The following PHF3 variants were observed in gnomAD, a reference collection of about 807,000 sequenced individuals.
PHF3 encodes the protein PHD finger protein 3.
PHF3 carries 41 observed loss-of-function variants against 178.4 expected under a neutral mutation model. The ratio of observed to expected loss-of-function variants is 0.23; its 90% CI spans 0.18 to 0.30. PHF3 has a LOEUF of 0.30. PHF3 is among the 10% of genes least tolerant of loss of function. The pLI, the probability that PHF3 is intolerant of heterozygous loss-of-function variation, is 1.00. For missense variants in PHF3, 2,346 were observed against 2,398.1 expected (o/e 0.98, Z 0.45); for synonymous variants, 842 against 800.5 (o/e 1.05, Z -0.88).
Position 63,713,234 on chromosome 6 carries a change from G to C in PHF3, c.5646G>C (p.Gln1882His). The change falls in exon 16 of 16, where the codon CAG becomes CAC. Residue 1882 changes from glutamine (Q) to histidine (H), a missense_variant. Physicochemically the swap from Gln to His is conservative, Grantham distance 24 (BLOSUM62 0). Transcript: ENST00000262043. ...AAGCATCAAGGTATATAGGCCCGCAGAATTTTTACCAGGTTAAAGACATTC... is the reference window on the plus strand; with the variant it reads ...AAGCATCAAGGTATATAGGCCCGCACAATTTTTACCAGGTTAAAGACATTC... ...LSQASRYIGP[Q>H]NFYQVKDIRR... The C allele has an allele frequency of 6.2e-7, 1 of 1,614,062 alleles. No individual in the cohort carries two copies. The highest frequency in any genetic ancestry group is 1.7e-5 in the Admixed American group (1 of 60,010).
intron 11 of PHF3, among the ~76,000 whole-genome samples, chr6:63,705,114 GC>G (rs1415276049): frequency 2.6e-5 from 4 of 152,160 alleles, no homozygotes; most frequent in African/African-American, 9.7e-5. Flanking sequence ...ATGAGCTGTT[GC>G]TATATAATCC....
chr6:63,658,458 A>G (rs1765328479), intron 2 of PHF3, among the ~76,000 whole-genome samples: 1 of 152,136 alleles, frequency 6.6e-6, no homozygotes, highest in South Asian at 2.1e-4. Flanking sequence ...TGCCATATTG[A>G]ACCAGTGACT....
Position 63,713,505 on chromosome 6 carries a change from C to A in PHF3, c.5917C>A (p.Arg1973=), listed in dbSNP as rs532496896. The A allele has an allele frequency of 1.2e-6, 2 of 1,613,412 alleles. No homozygotes were observed. The highest frequency in any genetic ancestry group is 1.7e-6 in the Non-Finnish European group (2 of 1,179,828). Residue 1973 remains arginine, a synonymous_variant, in exon 16 of 16, where the codon CGG becomes AGG. Transcript: ENST00000262043. The stretch of plus-strand genomic sequence containing the variant: ...AGGGCACAAAGATAAAGAGAGGGCA[C>A]GGTTATCACATGGTGATCGAGGAAC... ...EEGHKDKERA[R]LSHGDRGTDG...
chr6:63,713,045 GCCT>G lies in PHF3; in HGVS notation c.5461_5463del (p.Pro1821del), dbSNP rs1768029893. On this transcript the variant is annotated inframe_deletion, in exon 16 of 16. Transcript: ENST00000262043. ...GCCCACCTGGATTTCCATTTCCAGG[GCCT>G]CCTAATTTTCCCCCACAAAGCATGT... 6.2e-7 allele frequency: 1 copy of G among 1,613,850 alleles called. No homozygotes were observed. The highest frequency in any genetic ancestry group is 8.5e-7 in the Non-Finnish European group (1 of 1,179,920).
Position 63,713,833 on chromosome 6 carries a change from A to G in PHF3, c.*125A>G. 1 of 759,634 alleles carries G rather than the reference A, an allele frequency of 1.3e-6. No homozygotes were observed. The highest frequency in any genetic ancestry group is 2.1e-6 in the Non-Finnish European group (1 of 479,774). 47.1% of individuals were successfully genotyped at this position (759,634 alleles called of 1,614,324 possible). A position where few individuals can be genotyped will look rare whatever the true frequency, so the allele number is the denominator to read the frequency against. ...AATTTTTACTATTGGTCATTTGCAG[A>G]ACAGTAAATTCTGTGTGTTGGTACA... On this transcript the variant is annotated 3_prime_UTR_variant, in exon 16 of 16. Coordinates refer to ENST00000262043, the MANE Select transcript of PHF3 (RefSeq NM_001370348.2).
Position 63,684,319 on chromosome 6 carries a change from G to C in PHF3, c.597G>C (p.Arg199Ser), listed in dbSNP as rs1766573450. Residue 199 changes from arginine (R) to serine (S), a missense_variant, in exon 4 of 16, where the codon AGG (arginine) becomes AGC (serine). Arg to Ser is a moderately radical substitution (Grantham distance 110, BLOSUM62 -1). This residue lies in a region of PHF3 where 843 missense variants were observed against 795.2 expected (regional missense o/e 1.06). Coordinates refer to ENST00000262043, the MANE Select transcript of PHF3 (RefSeq NM_001370348.2). ...LKPEYHKENR[R>S]CSRNSGQIEV... Reference sequence around the variant, plus strand: ...CTGAGTACCATAAGGAGAATAGAAGGTGCAGCCGAAATAGCGGACAAATTG... The same window carrying C: ...CTGAGTACCATAAGGAGAATAGAAGCTGCAGCCGAAATAGCGGACAAATTG... 1.2e-6 allele frequency: 2 copies of C among 1,613,968 alleles called. No individual in the cohort carries two copies. Among genetic ancestry groups the C allele is most frequent in the Non-Finnish European group, 1.7e-6 (2 of 1,179,898 alleles).
rs1387892867 is a variant in PHF3, at chr6:63,636,125, T to G, written c.-51T>G. The G allele has an allele frequency of 2.6e-6, 1 of 390,216 alleles. No homozygotes were observed. The highest frequency in any genetic ancestry group is 2.1e-5 in the African/African-American group (1 of 48,232). The allele number at this position is 390,216 out of a possible 1,614,324, so 24.2% of individuals were successfully genotyped here. A position where few individuals can be genotyped will look rare whatever the true frequency, so the allele number is the denominator to read the frequency against. ...TCCACCATCTTCCTCTTGCTGCCAGTGGTAGCGCTCGTCTGGCGGAGCTGG... is the reference window on the plus strand; with the variant it reads ...TCCACCATCTTCCTCTTGCTGCCAGGGGTAGCGCTCGTCTGGCGGAGCTGG... On this transcript the variant is annotated 5_prime_UTR_variant, in exon 1 of 16. Coordinates refer to ENST00000262043, the MANE Select transcript of PHF3 (RefSeq NM_001370348.2).
Position 63,721,647 on chromosome 6 carries a change from CCTT to C in PHF3, c.*7942_*7944del. 6.4e-7 allele frequency: 1 copy of C among 1,551,392 alleles called. No individual in the cohort carries two copies. Among genetic ancestry groups the C allele is most frequent in the Non-Finnish European group, 8.7e-7 (1 of 1,146,684 alleles). On this transcript the variant is annotated 3_prime_UTR_variant, in exon 16 of 16. Coordinates refer to ENST00000262043, the MANE Select transcript of PHF3 (RefSeq NM_001370348.2). ...ATTTATCCCATCTAGATCCAGGTAG[CCTT>C]CTGCACCAACTCTTCCTGCTTTTAT...
At chr6:63,657,986 C>A (rs1765308741) in intron 2 of PHF3, among the ~76,000 whole-genome samples, 1 of 152,114 alleles carries the variant, frequency 6.6e-6, no homozygotes, top group Non-Finnish European at 1.5e-5. Flanking sequence ...TGTCCTATTT[C>A]CTTCAGTTCA....
At chr6:63,692,854 A>G (rs1193685967) in intron 5 of PHF3, among the ~76,000 whole-genome samples, 1 of 152,216 alleles carries the variant, frequency 6.6e-6, no homozygotes, top group Non-Finnish European at 1.5e-5. Context: ...TGAAATTTGC[A>G]TCCCTGAATT....
intron 2 of PHF3, among the ~76,000 whole-genome samples, chr6:63,651,967 C>T (rs72884640): frequency 0.078 from 11,901 of 152,050 alleles, 540 homozygotes; most frequent in East Asian, 0.16. Flanking sequence ...ACACTTAGGT[C>T]GATTTCGTAT....
chr6:63,691,026 G>A (rs907222434), intron 4 of PHF3, among the ~76,000 whole-genome samples: 1 of 152,126 alleles, frequency 6.6e-6, no homozygotes, highest in African/African-American at 2.4e-5. Flanking sequence ...TGTTAAGATA[G>A]AATAGTGATC....
chr6:63,686,648 G>T (rs993876369), intron 4 of PHF3, among the ~76,000 whole-genome samples: 2 of 152,138 alleles, frequency 1.3e-5, no homozygotes, highest in Non-Finnish European at 2.9e-5. Context: ...TTTAAGAAAA[G>T]GAAAGCAAGA....
Position 63,711,795 on chromosome 6 carries a change from A to T in PHF3, c.4207A>T (p.Thr1403Ser), listed in dbSNP as rs779733494. The T allele has an allele frequency of 1.2e-6, 2 of 1,613,436 alleles. No individual in the cohort carries two copies. The highest frequency in any genetic ancestry group is 4.5e-5 in the East Asian group (2 of 44,874). ...EEENDFFNSF[T>S]TVLHKQRNKP... Reference sequence around the variant, plus strand: ...AGAAAATGACTTTTTTAATTCTTTTACAACTGTATTACACAAGCAGAGAAA... The same window carrying T: ...AGAAAATGACTTTTTTAATTCTTTTTCAACTGTATTACACAAGCAGAGAAA... The change falls in exon 16 of 16, where the codon ACA (threonine) becomes TCA (serine). Residue 1403 changes from threonine (T) to serine (S), a missense_variant. By Grantham distance (58) the Thr-to-Ser change is moderately conservative. Coordinates refer to ENST00000262043, the MANE Select transcript of PHF3 (RefSeq NM_001370348.2).
intron 2 of PHF3, among the ~76,000 whole-genome samples, chr6:63,655,182 GC>G (rs776013982): frequency 6.6e-6 from 1 of 152,078 alleles, no homozygotes; most frequent in Non-Finnish European, 1.5e-5. Context: ...TCCTGCCTCA[GC>G]CTCCTAAGTA....
chr6:63,697,560 A>G (rs954280262), intron 6 of PHF3, among the ~76,000 whole-genome samples: 1 of 152,192 alleles, frequency 6.6e-6, no homozygotes, highest in Non-Finnish European at 1.5e-5. Context: ...TGGGTGAAGG[A>G]TAAAAGTTGG....
In PHF3 at chr6:63,684,385, A is replaced by G. The variant is rs773062289; in HGVS notation, c.663A>G (p.Ser221=). ...PEVSVSSSHS[S]VSSCLEMKDE... ...TATCAGTGTCTTCAAGTCATTCTTC[A>G]GTGTCATCTTGTCTTGAAATGAAGG... Residue 221 remains serine (S), a synonymous_variant, in exon 4 of 16, where the codon TCA becomes TCG. Transcript: ENST00000262043. 4.3e-6 allele frequency: 7 copies of G among 1,613,914 alleles called. No individual in the cohort carries two copies. Among genetic ancestry groups the G allele is most frequent in the African/African-American group, 2.7e-5 (2 of 74,936 alleles).
chr6:63,716,627 A>C lies in PHF3; in HGVS notation c.*2919A>C, dbSNP rs1243517077. ...GTGCAGATCTCACTGGGTAAGATCA[A>C]GGTGTCAGCAAGATGCATTCATTTT... On this transcript the variant is annotated 3_prime_UTR_variant, in exon 16 of 16. Coordinates refer to ENST00000262043, the MANE Select transcript of PHF3 (RefSeq NM_001370348.2). Among the ~76,000 whole-genome samples, 2 of 151,494 alleles carry C rather than the reference A, an allele frequency of 1.3e-5. No individual in the cohort carries two copies. The highest frequency in any genetic ancestry group is 6.6e-5 in the Admixed American group (1 of 15,178).
rs1767938857 is a variant in PHF3, at chr6:63,711,786, A to G, written c.4198A>G (p.Asn1400Asp). The G allele has an allele frequency of 6.2e-7, 1 of 1,612,936 alleles. No homozygotes were observed. Among genetic ancestry groups the G allele is most frequent in the Non-Finnish European group, 8.5e-7 (1 of 1,179,670 alleles). Residue 1400 changes from asparagine to aspartate, a missense_variant, in exon 16 of 16, where the codon AAT becomes GAT. This residue lies in a region of PHF3 where 839 missense variants were observed against 806.9 expected (regional missense o/e 1.04). Transcript: ENST00000262043. ...EAPEEENDFFNSFTTVLHKQR... is the reference protein window; with the variant it reads ...EAPEEENDFFDSFTTVLHKQR... ...ACCAGAGGAAGAAAATGACTTTTTTAATTCTTTTACAACTGTATTACACAA... is the reference window on the plus strand; with the variant it reads ...ACCAGAGGAAGAAAATGACTTTTTTGATTCTTTTACAACTGTATTACACAA...
Sources: gnomAD v4.1 joint callset for allele counts (sites outside exome capture counted in the v4.1 genomes callset) on GRCh38, gnomAD v4.1.1 for gene constraint, gnomAD v4.1.1 regional missense constraint, MANE v1.5 for transcripts, NCBI Gene and HGNC (gene_info 2026-07-23, HGNC 2026-07-21) for gene names.